Variants in DNA2 observed in about 807,000 individuals in gnomAD.
The protein encoded by DNA2 is DNA replication helicase/nuclease 2, also known as DNA replication ATP-dependent helicase/nuclease DNA2.
In DNA2, 101 loss-of-function variants were observed where a neutral mutation model predicts 119.1. The ratio of observed to expected loss-of-function variants is 0.85; its 90% CI spans 0.72 to 1.00. The LOEUF (loss-of-function observed/expected upper bound fraction) is 1.00, where lower values mean the gene tolerates loss of function less well. Among genes scored for constraint, DNA2 ranks in the 50% least tolerant of loss-of-function variants. The pLI, the probability that DNA2 is intolerant of heterozygous loss-of-function variation, is 0.00. For missense variants in DNA2, 1,121 were observed against 1,255.5 expected (o/e 0.89, Z 1.62); for synonymous variants, 366 against 424.4 (o/e 0.86, Z 1.69).
At chr10:68,442,048 G>C (rs151312970) in intron 9 of DNA2, among the ~76,000 whole-genome samples, 2 of 151,088 alleles carry the variant, frequency 1.3e-5, no homozygotes, top group Non-Finnish European at 2.9e-5. Context: ...ACCTCATCCT[G>C]GGACTACAGA....
chr10:68,416,766 T>C lies in DNA2; in HGVS notation c.3057A>G (p.Ser1019=). The C allele has an allele frequency of 6.2e-7, 1 of 1,613,912 alleles. No individual in the cohort carries two copies. Among genetic ancestry groups the C allele is most frequent in the South Asian group, 1.1e-5 (1 of 91,092 alleles). Residue 1019 remains serine (S), a synonymous_variant, in exon 20 of 21, where the codon TCA becomes TCG. Transcript: ENST00000358410. ...HKLILLGCVP[S]LNCYPPLEKL... ...TCTCCAAAGGAGGATAGCAATTTAG[T>C]GAGGGCACACACCCCAGAAGAATCA...
chr10:68,445,672 C>G (rs1023949906), intron 7 of DNA2, among the ~76,000 whole-genome samples: 13 of 152,062 alleles, frequency 8.5e-5, no homozygotes, highest in Middle Eastern at 3.4e-3. Context: ...AACTAGTAAG[C>G]ATTGTGAAGT....
At position 68,419,876 on chromosome 10, in the gene DNA2, T is replaced by G; in HGVS notation, c.2714A>C (p.Gln905Pro). 1 of 1,613,942 alleles carries G rather than the reference T, an allele frequency of 6.2e-7. No individual in the cohort carries two copies. Among genetic ancestry groups the G allele is most frequent in the South Asian group, 1.1e-5 (1 of 91,084 alleles). Reference protein sequence around the residue: ...LNTDKVPAPEQVEKGGVSNVT... With the variant: ...LNTDKVPAPEPVEKGGVSNVT... ...ATTGCTCACACCACCTTTTTCAACT[T>G]GTTCTGGCGCTGGAACCTAAGTGGA... The change falls in exon 18 of 21, where the codon CAA (glutamine) becomes CCA (proline). Residue 905 changes from glutamine (Q) to proline (P), a missense_variant. By Grantham distance (76) the Gln-to-Pro change is moderately conservative. Coordinates refer to ENST00000358410, the MANE Select transcript of DNA2 (RefSeq NM_001080449.3).
chr10:68,442,866 A>G, intron 9 of DNA2, 51 bp downstream of exon 9: 1 of 1,459,968 alleles, frequency 6.8e-7, no homozygotes, highest in South Asian at 1.4e-5. Flanking sequence ...AGGCCACCTC[A>G]TTCACTAATC....
chr10:68,427,977 G>A (rs1374007999), intron 14 of DNA2, among the ~76,000 whole-genome samples: 2 of 150,104 alleles, frequency 1.3e-5, no homozygotes, highest in Non-Finnish European at 3.0e-5. Flanking sequence ...AGGTTGCAGT[G>A]AGCTCAGATC....
At chr10:68,461,636 C>A (rs1158403633) in intron 4 of DNA2, 1 of 152,100 alleles carries the variant, frequency 6.6e-6, no homozygotes, top group South Asian at 2.1e-4. Context: ...TGAGATCAGC[C>A]TGACCAACGT....
intron 10 of DNA2, 49 bp from the exon 11 acceptor site, chr10:68,432,559 C>T (rs1014002103): frequency 1.9e-5 from 20 of 1,041,158 alleles, no homozygotes; most frequent in Middle Eastern, 2.3e-4. Context: ...TTCGCATAGT[C>T]TGTATAAGAA....
At chr10:68,467,427 T>G (rs997002998) in intron 3 of DNA2, among the ~76,000 whole-genome samples, 1 of 152,000 alleles carries the variant, frequency 6.6e-6, no homozygotes. Context: ...CGTTTTTTTT[T>G]TGAGACTTTT....
intron 14 of DNA2, among the ~76,000 whole-genome samples, chr10:68,426,712 G>C (rs1419644116): frequency 6.6e-6 from 1 of 151,618 alleles, no homozygotes; most frequent in South Asian, 2.1e-4. Context: ...GGTGGTGGGC[G>C]CCTGTGGTCC....
intron 1 of DNA2, chr10:68,470,555 A>G (rs771797114): frequency 6.7e-6 from 3 of 447,910 alleles, no homozygotes; most frequent in Non-Finnish European, 1.3e-5. Context: ...TTGAGGCTGC[A>G]GTGAGATACG....
At chr10:68,433,554 G>A (rs1294281836) in intron 10 of DNA2, among the ~76,000 whole-genome samples, 1 of 151,968 alleles carries the variant, frequency 6.6e-6, no homozygotes, top group African/African-American at 2.4e-5. Flanking sequence ...TTTTGAGAGA[G>A]GGCCTTGTTC....
At chr10:68,447,152 A>C (rs1366367488) in intron 6 of DNA2, among the ~76,000 whole-genome samples, 2 of 152,168 alleles carry the variant, frequency 1.3e-5, no homozygotes, top group Non-Finnish European at 2.9e-5. Flanking sequence ...CAAAAATTTA[A>C]AAGCATAAAA....
Position 68,416,736 on chromosome 10 carries a change from C to T in DNA2, c.3087G>A (p.Leu1029=), listed in dbSNP as rs754444650. ...ATTTTTCTGAGTTTAAATGATTAAG[C>T]AGCTTCTCCAAAGGAGGATAGCAAT... ...SLNCYPPLEK[L]LNHLNSEKLI... is the part of the protein sequence containing the mutation. The change falls in exon 20 of 21, where the codon CTG becomes CTA. Residue 1029 remains leucine, a synonymous_variant. Coordinates refer to ENST00000358410, the MANE Select transcript of DNA2 (RefSeq NM_001080449.3). 1.9e-6 allele frequency: 3 copies of T among 1,613,636 alleles called. No individual in the cohort carries two copies. Among genetic ancestry groups the T allele is most frequent in the Non-Finnish European group, 2.5e-6 (3 of 1,179,708 alleles).
intron 3 of DNA2, among the ~76,000 whole-genome samples, chr10:68,466,739 C>A (rs189615604): frequency 6.6e-6 from 1 of 151,952 alleles, no homozygotes; most frequent in East Asian, 1.9e-4. Context: ...CCACCACACC[C>A]GGCTAATTTT....
chr10:68,437,665 A>T (rs1246698827), intron 9 of DNA2, among the ~76,000 whole-genome samples: 2 of 14,278 alleles, frequency 1.4e-4, no homozygotes, highest in Non-Finnish European at 5.9e-4. Context: ...ACAAAAACAA[A>T]AACAAAAACA....
chr10:68,465,941 AT>A (rs1315482227), intron 3 of DNA2, 129 bp from the exon 4 acceptor site: 14 of 826,858 alleles, frequency 1.7e-5, no homozygotes, highest in Non-Finnish European at 2.1e-5. Flanking sequence ...TATTAAAAAA[AT>A]TTTTTTCTGG....
At chr10:68,431,619 T>C (rs543771291) in intron 13 of DNA2, among the ~76,000 whole-genome samples, 100 of 152,316 alleles carry the variant, frequency 6.6e-4, no homozygotes, top group African/African-American at 2.2e-3. Context: ...GGAAAACATA[T>C]AGTGATAAAT....
chr10:68,455,799 C>T (rs772219244), intron 5 of DNA2, among the ~76,000 whole-genome samples: 7 of 151,870 alleles, frequency 4.6e-5, no homozygotes, highest in Admixed American at 6.6e-5. Context: ...TCAGCCTGAG[C>T]GACAGAGCGA....
At chr10:68,453,418 C>T (rs1490324649) in intron 5 of DNA2, among the ~76,000 whole-genome samples, 31 of 151,822 alleles carry the variant, frequency 2.0e-4, no homozygotes, top group Admixed American at 2.0e-3. Context: ...TGCGGAACAT[C>T]GTTTCTAAGA....
Sources: gnomAD v4.1 joint callset for allele counts (sites outside exome capture counted in the v4.1 genomes callset) on GRCh38, gnomAD v4.1.1 for gene constraint, MANE v1.5 for transcripts, NCBI Gene and HGNC (gene_info 2026-07-23, HGNC 2026-07-21) for gene names.